Variants in MITF observed in about 807,000 individuals in gnomAD.
MITF encodes melanocyte inducing transcription factor, also known as microphthalmia-associated transcription factor.
Under a neutral mutation model 60.5 loss-of-function variants are expected in MITF, and 17 were observed. The observed-to-expected ratio is 0.28, with a 90% CI of 0.19 to 0.42. The LOEUF is 0.42. MITF is among the 10% of genes least tolerant of loss of function. MITF has a pLI of 1.00. For missense variants in MITF, 622 were observed against 683.5 expected, an observed-to-expected ratio of 0.91 and a Z score of 1.00; for synonymous variants, 260 against 248.5, an observed-to-expected ratio of 1.05 and a Z score of -0.43.
At chr3:69,788,799 A>G (rs1559630533) in intron 1 of MITF, among the ~76,000 whole-genome samples, 1 of 152,216 alleles carries the variant, frequency 6.6e-6, no homozygotes, top group Admixed American at 6.5e-5. Flanking sequence ...ACCCTTGCAT[A>G]TACGGTCAAA....
intron 2 of MITF, among the ~76,000 whole-genome samples, chr3:69,924,748 A>G (rs1346734665): frequency 6.6e-6 from 1 of 152,110 alleles, no homozygotes; most frequent in Non-Finnish European, 1.5e-5. Context: ...GGAATTTACA[A>G]TTTCCCTAAA....
Position 69,782,665 on chromosome 3 carries a change from T to C in MITF, c.104+42964T>C, listed in dbSNP as rs549934390. Among the ~76,000 whole-genome samples the C allele has an allele frequency of 1.2e-4, 18 of 152,346 alleles. 1 individual carries two copies. The South Asian group carries it at 3.5e-3, about 30-fold the overall frequency. On this transcript the variant is annotated intron_variant, in intron 1 of 9. Coordinates refer to ENST00000352241, the MANE Select transcript of MITF (RefSeq NM_001354604.2). ...ATTCTCTATTTGAAGCTTGTTTTAT[T>C]GTAGGCCATTTCTTGCTTCTGGAGC...
intron 1 of MITF, among the ~76,000 whole-genome samples, chr3:69,784,604 C>G (rs555191042): frequency 6.6e-6 from 1 of 152,116 alleles, no homozygotes; most frequent in Non-Finnish European, 1.5e-5. Flanking sequence ...AATTCCCTCC[C>G]TCCTTCCCCC....
intron 1 of MITF, among the ~76,000 whole-genome samples, chr3:69,768,081 T>C (rs2062329561): frequency 6.6e-6 from 1 of 152,234 alleles, no homozygotes; most frequent in African/African-American, 2.4e-5. Context: ...ATGTGTAAAG[T>C]AGACATGGTC....
At chr3:69,938,084 A>G in intron 3 of MITF, 35 bp downstream of exon 3, 2 of 1,592,818 alleles carry the variant, frequency 1.3e-6, no homozygotes, top group Non-Finnish European at 1.7e-6. Flanking sequence ...CTGTTTTCTT[A>G]TGCTAAATAA....
chr3:69,918,126 A>G (rs78978789), intron 2 of MITF, among the ~76,000 whole-genome samples: 2 of 152,114 alleles, frequency 1.3e-5, no homozygotes, highest in African/African-American at 4.8e-5. Context: ...GTGCAGTGAC[A>G]TGGTCTCTGC....
At chr3:69,859,576 G>C (rs2063976814) in intron 1 of MITF, among the ~76,000 whole-genome samples, 2 of 152,008 alleles carry the variant, frequency 1.3e-5, no homozygotes, top group Non-Finnish European at 2.9e-5. Context: ...GCTTAGCCAA[G>C]GTGGTCCATG....
At chr3:69,806,326 A>G (rs1268468612) in intron 1 of MITF, among the ~76,000 whole-genome samples, 1 of 151,924 alleles carries the variant, frequency 6.6e-6, no homozygotes, top group African/African-American at 2.4e-5. Context: ...ACCTCAAGTG[A>G]TCACCTGCCT....
chr3:69,925,583 C>T (rs2065567262), intron 2 of MITF, among the ~76,000 whole-genome samples: 2 of 151,800 alleles, frequency 1.3e-5, no homozygotes. Context: ...ATTAAAACAT[C>T]TCAATGGCTT....
At chr3:69,754,221 CTTTT>C (rs1192690222) in intron 1 of MITF, among the ~76,000 whole-genome samples, 1 of 144,350 alleles carries the variant, frequency 6.9e-6, no homozygotes. Context: ...TCTCTCTCTC[CTTTT>C]TTTTTTTTTG....
rs1176203074 is a variant in MITF at position 69,938,263 on chromosome 3, T to C, written c.582+214T>C. On this transcript the variant is annotated intron_variant, in intron 3 of 9. Coordinates refer to ENST00000352241, the MANE Select transcript of MITF (RefSeq NM_001354604.2). ...GAGCACATGACGGGAGACCTGGCCC[T>C]CTCCAAGTGAAATGTGGAGGCGAGG... The C allele has an allele frequency of 6.4e-6, 8 of 1,255,166 alleles. No individual in the cohort carries two copies. The Admixed American group carries it at 7.9e-5, about 12-fold the overall frequency. 77.8% of individuals were successfully genotyped at this position (1,255,166 alleles called of 1,614,324 possible).
At chr3:69,811,716 G>A (rs1209477419) in intron 1 of MITF, among the ~76,000 whole-genome samples, 1 of 152,168 alleles carries the variant, frequency 6.6e-6, no homozygotes, top group Non-Finnish European at 1.5e-5. Context: ...TGATGCAAAT[G>A]TCATTATCAT....
At chr3:69,893,290 C>A (rs2064799097) in intron 2 of MITF, among the ~76,000 whole-genome samples, 1 of 151,964 alleles carries the variant, frequency 6.6e-6, no homozygotes, top group South Asian at 2.1e-4. Context: ...TTGCATTTTT[C>A]AATTAAAATT....
At chr3:69,939,270 A>AT in intron 4 of MITF, 89 bp downstream of exon 4, 5 of 1,182,950 alleles carry the variant, frequency 4.2e-6, no homozygotes, top group African/African-American at 1.6e-5. Context: ...AAACTTAAGC[A>AT]TTTTTTTCCC....
intron 1 of MITF, among the ~76,000 whole-genome samples, chr3:69,870,957 G>A (rs112418741): frequency 6.6e-6 from 1 of 152,270 alleles, no homozygotes; most frequent in African/African-American, 2.4e-5. Flanking sequence ...TACAAAACCA[G>A]CTGTAGTATC....
intron 2 of MITF, among the ~76,000 whole-genome samples, chr3:69,880,328 T>C (rs962434554): frequency 2.0e-5 from 3 of 152,118 alleles, no homozygotes; most frequent in African/African-American, 7.2e-5. Flanking sequence ...AGAGATGATG[T>C]GTTATAATCA....
intron 1 of MITF, among the ~76,000 whole-genome samples, chr3:69,773,051 T>C (rs1212929209): frequency 6.6e-6 from 1 of 152,146 alleles, no homozygotes; most frequent in Admixed American, 6.5e-5. Context: ...AATTTAAAAC[T>C]GAGTGGACAA....
intron 2 of MITF, among the ~76,000 whole-genome samples, chr3:69,910,359 C>T (rs1047605649): frequency 6.6e-6 from 1 of 152,178 alleles, no homozygotes; most frequent in Non-Finnish European, 1.5e-5. Context: ...TCTGCTAGGG[C>T]AGTGCAGAAG....
In MITF at chr3:69,933,580, G is replaced by C. The variant is rs751561615; in HGVS notation, c.355-4242G>C. On this transcript the variant is annotated intron_variant, in intron 2 of 9. Coordinates refer to ENST00000352241, the MANE Select transcript of MITF (RefSeq NM_001354604.2). ...GCTAACAATGAATAAAAGTTACAAAGCCTTTGGGTGTTTGCCCTTTAACTC... is the reference window on the plus strand; with the variant it reads ...GCTAACAATGAATAAAAGTTACAAACCCTTTGGGTGTTTGCCCTTTAACTC... Among the ~76,000 whole-genome samples, 157 of 152,194 alleles carry C rather than the reference G, an allele frequency of 1.0e-3. 3 individuals are homozygous for C. The highest frequency in any genetic ancestry group is 1.2e-3 in the Non-Finnish European group (83 of 68,010).
Sources: gnomAD v4.1 joint callset for allele counts (sites outside exome capture counted in the v4.1 genomes callset) on GRCh38, gnomAD v4.1.1 for gene constraint, MANE v1.5 for transcripts, NCBI Gene and HGNC (gene_info 2026-07-23, HGNC 2026-07-21) for gene names.